The following SERPINA11 variants were observed in gnomAD, a reference collection of about 807,000 sequenced individuals.
SERPINA11 encodes serpin family A member 11, also known as serpin A11.
SERPINA11 carries 28 observed loss-of-function variants against 29.4 expected under a neutral mutation model. The ratio of observed to expected loss-of-function variants is 0.95; its 90% CI spans 0.70 to 1.30. SERPINA11 has a LOEUF of 1.30. Ranked by LOEUF, SERPINA11 falls within the 50% of genes most tolerant of loss-of-function variation. The pLI is 0.00. For synonymous variants in SERPINA11, 253 were observed against 206.6 expected (o/e 1.22, Z -1.92); for missense variants, 530 against 507.3 (o/e 1.04, Z -0.43).
chr14:94,448,317 T>C lies in SERPINA11; in HGVS notation c.458A>G (p.Tyr153Cys), dbSNP rs1204753921. 1.2e-5 allele frequency: 20 copies of C among 1,614,242 alleles called. No individual in the cohort carries two copies. Among genetic ancestry groups the C allele is most frequent in the Non-Finnish European group, 1.7e-5 (20 of 1,180,036 alleles). Residue 153 changes from tyrosine (Y) to cysteine (C), a missense_variant, in exon 2 of 5, where the codon TAT becomes TGT. By Grantham distance (194) the Tyr-to-Cys change is radical (BLOSUM62 -2). Coordinates refer to ENST00000334708, the MANE Select transcript of SERPINA11 (RefSeq NM_001080451.2). ...LDKRLKPRQH[Y>C]LDSIKELYGA... ...ATAAAGCTCCTTGATGCTGTCCAAATAGTGCTGCCGAGGCTTTAGTCGCTT... is the reference window on the plus strand; with the variant it reads ...ATAAAGCTCCTTGATGCTGTCCAAACAGTGCTGCCGAGGCTTTAGTCGCTT...
At chr14:94,449,704 G>C (rs1898552497) in intron 1 of SERPINA11, among the ~76,000 whole-genome samples, 1 of 151,670 alleles carries the variant, frequency 6.6e-6, no homozygotes, top group Admixed American at 6.6e-5. Flanking sequence ...TATTTAGTGG[G>C]GAAAGAAGTA....
intron 1 of SERPINA11, 36 bp from the exon 2 acceptor site, chr14:94,448,813 A>G: frequency 2.0e-6 from 3 of 1,494,422 alleles, no homozygotes; most frequent in South Asian, 2.9e-5. Flanking sequence ...ACTTTTCTCC[A>G]TAAATAATGT....
chr14:94,450,671 T>C (rs192263416), intron 1 of SERPINA11, among the ~76,000 whole-genome samples: 2 of 152,326 alleles, frequency 1.3e-5, no homozygotes, highest in African/African-American at 4.8e-5. Flanking sequence ...ACTAATGTGA[T>C]ATCTCTTGTG....
In SERPINA11 at chr14:94,448,541, C is replaced by T. The variant is rs1208981382; in HGVS notation, c.234G>A (p.Val78=). 6.2e-7 allele frequency: 1 copy of T among 1,614,148 alleles called. No homozygotes were observed. The highest frequency in any genetic ancestry group is 2.2e-5 in the East Asian group (1 of 44,876). Residue 78 remains valine (V), a synonymous_variant, in exon 2 of 5, where the codon GTG becomes GTA. Coordinates refer to ENST00000334708, the MANE Select transcript of SERPINA11 (RefSeq NM_001080451.2). ...GCAGGGCCAGGGTGGTGGAGATGCT[C>T]ACTGGCGAGAAGAAGATGTTTCCGG... ...DAPGNIFFSP[V]SISTTLALLS...
At chr14:94,449,491 GTCTT>G (rs1434137900) in intron 1 of SERPINA11, among the ~76,000 whole-genome samples, 8 of 103,466 alleles carry the variant, frequency 7.7e-5, no homozygotes, top group Non-Finnish European at 1.5e-4. Flanking sequence ...CTGTCTGTCT[GTCTT>G]TCTTTCTCTT....
chr14:94,446,343 A>T lies in SERPINA11; in HGVS notation c.905T>A (p.Leu302Ter). ...CTGTGACACTTACCTGGGCAGGAGC[A>T]ATTGGCCCCATTTTCTCAGGGTCTG... is the stretch of plus-strand genomic sequence containing the variant. ...QPQTLRKWGQ[L>*]LLPSLLDLHL... Residue 302 changes from leucine to a stop codon, truncating the protein, a stop_gained, in exon 3 of 5, where the codon TTG becomes TAG. Coordinates refer to ENST00000334708, the MANE Select transcript of SERPINA11 (RefSeq NM_001080451.2). LOFTEE classifies it high-confidence loss of function. The T allele has an allele frequency of 1.9e-6, 3 of 1,613,158 alleles. No individual in the cohort carries two copies. The highest frequency in any genetic ancestry group is 2.5e-6 in the Non-Finnish European group (3 of 1,179,914).
chr14:94,445,853 A>G (rs1898426220), intron 3 of SERPINA11, among the ~76,000 whole-genome samples: 1 of 152,186 alleles, frequency 6.6e-6, no homozygotes, highest in South Asian at 2.1e-4. Flanking sequence ...CTGGGATTGT[A>G]GGTCTGAGCT....
chr14:94,448,822 G>C, intron 1 of SERPINA11, 45 bp from the exon 2 acceptor site: 5 of 1,484,768 alleles, frequency 3.4e-6, no homozygotes, highest in Non-Finnish European at 4.5e-6. Flanking sequence ...CATAAATAAT[G>C]TCATGATTCT....
At chr14:94,443,016 C>T in intron 4 of SERPINA11, 62 bp downstream of exon 4, 1 of 1,538,992 alleles carries the variant, frequency 6.5e-7, no homozygotes, top group Non-Finnish European at 8.8e-7. Flanking sequence ...GTCCCACATG[C>T]CAAAGGAGAA....
At chr14:94,448,882 G>T in intron 1 of SERPINA11, 105 bp from the exon 2 acceptor site, 2 of 1,025,806 alleles carry the variant, frequency 1.9e-6, no homozygotes, top group Non-Finnish European at 2.7e-6. Context: ...CCACAGGGCT[G>T]CCATGAGGGG....
Position 94,448,685 on chromosome 14 carries a change from C to A in SERPINA11, c.90G>T (p.Leu30=), listed in dbSNP as rs756998651. 10 of 1,554,118 alleles carry A rather than the reference C, an allele frequency of 6.4e-6. No individual in the cohort carries two copies. The highest frequency in any genetic ancestry group is 3.7e-5 in the South Asian group (3 of 80,914). The change falls in exon 2 of 5, where the codon CTG becomes CTT. Residue 30 remains leucine (L), a synonymous_variant. Coordinates refer to ENST00000334708, the MANE Select transcript of SERPINA11 (RefSeq NM_001080451.2). The part of the protein sequence containing the change: ...QPLLAHGDKS[L]QGPQPPRHQL... ...GATGCCTGGGGGGTTGAGGCCCCTGCAGACTTTTATCTCCATGGGCAAGAA... is the reference window on the plus strand; with the variant it reads ...GATGCCTGGGGGGTTGAGGCCCCTGAAGACTTTTATCTCCATGGGCAAGAA...
intron 1 of SERPINA11, among the ~76,000 whole-genome samples, chr14:94,449,515 TTC>T (rs1566784853): frequency 6.1e-5 from 9 of 147,024 alleles, no homozygotes; most frequent in Admixed American, 1.4e-4. Context: ...TTCTTTTTCT[TTC>T]TTTCTTTCTT....
chr14:94,452,648 C>CACACACACACACACAG (rs1231099390), intron 1 of SERPINA11, 81 bp downstream of exon 1: 9 of 144,034 alleles, frequency 6.2e-5, no homozygotes, highest in African/African-American at 2.1e-4. Context: ...CACACACACA[C>CACACACACACACACAG]AGAGACAGAG....
chr14:94,452,554 T>C (rs1898605860), intron 1 of SERPINA11, among the ~76,000 whole-genome samples, 175 bp downstream of exon 1: 1 of 149,548 alleles, frequency 6.7e-6, no homozygotes, highest in Non-Finnish European at 1.5e-5. Flanking sequence ...GTTGCATTTC[T>C]TCTTCAGGGA....
At position 94,448,275 on chromosome 14, in the gene SERPINA11, G is replaced by A; in HGVS notation, c.500C>T (p.Ser167Phe). 1.2e-6 allele frequency: 2 copies of A among 1,614,226 alleles called. No homozygotes were observed. Among genetic ancestry groups the A allele is most frequent in the Non-Finnish European group, 1.7e-6 (2 of 1,180,038 alleles). The change falls in exon 2 of 5, where the codon TCT becomes TTT. Residue 167 changes from serine (S) to phenylalanine (F), a missense_variant. Coordinates refer to ENST00000334708, the MANE Select transcript of SERPINA11 (RefSeq NM_001080451.2). ...TGTAACAGAATCTGTGAAGTTGGCA[G>A]AAAAAGCAAAAGCTCCATAAAGCTC... is the stretch of plus-strand genomic sequence containing the variant. ...IKELYGAFAF[S>F]ANFTDSVTTG...
Position 94,448,549 on chromosome 14 carries a change from A to C in SERPINA11, c.226T>G (p.Ser76Ala). The change falls in exon 2 of 5, where the codon TCG becomes GCG. Residue 76 changes from serine to alanine, a missense_variant. Ser to Ala is a moderately conservative substitution (Grantham distance 99). Transcript: ENST00000334708. ...AGGGTGGTGGAGATGCTCACTGGCGAGAAGAAGATGTTTCCGGGGGCGTCT... is the reference window on the plus strand; with the variant it reads ...AGGGTGGTGGAGATGCTCACTGGCGCGAAGAAGATGTTTCCGGGGGCGTCT... ...AADAPGNIFF[S>A]PVSISTTLAL... 1 of 1,614,150 alleles carries C rather than the reference A, an allele frequency of 6.2e-7. No individual in the cohort carries two copies. The highest frequency in any genetic ancestry group is 8.5e-7 in the Non-Finnish European group (1 of 1,180,004).
At chr14:94,450,940 G>C (rs1361944826) in intron 1 of SERPINA11, among the ~76,000 whole-genome samples, 4 of 152,040 alleles carry the variant, frequency 2.6e-5, no homozygotes, top group Non-Finnish European at 5.9e-5. Flanking sequence ...TTGCTACTGG[G>C]ACCCTCCCAA....
intron 2 of SERPINA11, 60 bp downstream of exon 2, chr14:94,448,072 T>C: frequency 1.3e-6 from 2 of 1,519,428 alleles, no homozygotes; most frequent in Non-Finnish European, 9.0e-7. Context: ...GCTGGCTCTC[T>C]GCTGTAAGAG....
At position 94,448,440 on chromosome 14, in the gene SERPINA11, T is replaced by A; in HGVS notation, c.335A>T (p.Glu112Val). Reference sequence around the variant, plus strand: ...CCGGAAGCCCTGGTGGATGTCGGCTTCAGGGGTTTCTGTGAGGTTGAATCC... The same window carrying A: ...CCGGAAGCCCTGGTGGATGTCGGCTACAGGGGTTTCTGTGAGGTTGAATCC... Reference protein sequence around the residue: ...GLGFNLTETPEADIHQGFRSL... With the variant: ...GLGFNLTETPVADIHQGFRSL... Residue 112 changes from glutamate (E) to valine (V), a missense_variant, in exon 2 of 5, where the codon GAA becomes GTA. By Grantham distance (121) the Glu-to-Val change is moderately radical. Transcript: ENST00000334708. The A allele has an allele frequency of 6.2e-7, 1 of 1,614,124 alleles. No individual in the cohort carries two copies. The highest frequency in any genetic ancestry group is 8.5e-7 in the Non-Finnish European group (1 of 1,180,028).
Sources: allele counts gnomAD v4.1 joint callset (sites outside exome capture counted in the v4.1 genomes callset), GRCh38; gene constraint gnomAD v4.1.1; transcripts MANE v1.5; gene names NCBI Gene and HGNC (gene_info 2026-07-23, HGNC 2026-07-21).